VSTM4: variants seen among roughly 807,000 people sequenced by gnomAD.
VSTM4 encodes the protein V-set and transmembrane domain containing 4.
A neutral mutation model predicts 36.4 loss-of-function variants in VSTM4; 20 were observed. The observed-to-expected ratio is 0.55, with a 90% CI of 0.39 to 0.80. VSTM4 has a LOEUF of 0.80. Ranked by LOEUF, VSTM4 falls within the 30% of genes least tolerant of loss-of-function variation. The pLI is 0.00. For missense variants in VSTM4, 392 were observed against 404.5 expected, an observed-to-expected ratio of 0.97 and a Z score of 0.26; for synonymous variants, 182 against 173.9, an observed-to-expected ratio of 1.05 and a Z score of -0.37.
chr10:49,083,320 T>C (rs1249489348), intron 3 of VSTM4, among the ~76,000 whole-genome samples: 1 of 152,194 alleles, frequency 6.6e-6, no homozygotes, highest in Non-Finnish European at 1.5e-5. Context: ...ATGCCTCTTT[T>C]GTGCAGTGGG....
At chr10:49,048,619 C>A in intron 5 of VSTM4, 35 bp from the exon 6 acceptor site, 1 of 1,533,434 alleles carries the variant, frequency 6.5e-7, no homozygotes, top group African/African-American at 1.4e-5. Context: ...AAACCAAAGG[C>A]AGATTTGTTG....
chr10:49,104,463 C>G (rs1481400414), intron 2 of VSTM4, among the ~76,000 whole-genome samples: 1 of 152,066 alleles, frequency 6.6e-6, no homozygotes, highest in Non-Finnish European at 1.5e-5. Context: ...AGGCTCTGCA[C>G]AGCCCCAGCC....
chr10:49,056,594 G>A (rs150198458), intron 5 of VSTM4, among the ~76,000 whole-genome samples: 7 of 152,324 alleles, frequency 4.6e-5, no homozygotes, highest in Non-Finnish European at 7.4e-5. Flanking sequence ...CCCTGCCCAG[G>A]GGAGCCTGCC....
intron 7 of VSTM4, among the ~76,000 whole-genome samples, chr10:49,029,825 C>G (rs577424921): frequency 6.6e-6 from 1 of 152,308 alleles, no homozygotes; most frequent in East Asian, 1.9e-4. Context: ...AGGCAGGAGC[C>G]CTGGCTTGGT....
At chr10:49,036,266 C>T (rs1843429801) in intron 7 of VSTM4, among the ~76,000 whole-genome samples, 1 of 152,166 alleles carries the variant, frequency 6.6e-6, no homozygotes, top group Non-Finnish European at 1.5e-5. Context: ...CTCCCCGCAA[C>T]AATAATGGGC....
intron 7 of VSTM4, among the ~76,000 whole-genome samples, chr10:49,038,786 T>A (rs1269598928): frequency 6.6e-6 from 1 of 152,014 alleles, no homozygotes. Context: ...GTTCTGAAAT[T>A]GGCTTGAGGA....
chr10:49,094,271 T>G (rs933339041), intron 2 of VSTM4, among the ~76,000 whole-genome samples: 3 of 152,214 alleles, frequency 2.0e-5, no homozygotes, highest in African/African-American at 7.2e-5. Context: ...AATTCTGGCC[T>G]TGGAGTTGCA....
chr10:49,031,211 A>T (rs1254138699), intron 7 of VSTM4, among the ~76,000 whole-genome samples: 1 of 152,232 alleles, frequency 6.6e-6, no homozygotes, highest in Non-Finnish European at 1.5e-5. Flanking sequence ...TAATTGTGCA[A>T]GGGCCTACTT....
At position 49,015,911 on chromosome 10, in the gene VSTM4, C is replaced by A. The variant is rs1308201894; in HGVS notation, c.*3739G>T. ...AGTCCTCCTCTGGTCCTGTTGGTGT[C>A]CCTCTCCAAATCTGAGGCCTCCCTT... is the stretch of plus-strand genomic sequence containing the variant. On this transcript the variant is annotated 3_prime_UTR_variant, in exon 8 of 8. Coordinates refer to ENST00000332853, the MANE Select transcript of VSTM4 (RefSeq NM_001031746.5). The A allele has an allele frequency of 6.6e-6, 1 of 152,300 alleles. No individual in the cohort carries two copies. Among genetic ancestry groups the A allele is most frequent in the Non-Finnish European group, 1.5e-5 (1 of 68,132 alleles). The allele number at this position is 152,300 out of a possible 1,614,324, so 9.4% of individuals were successfully genotyped here. A position where few individuals can be genotyped will look rare whatever the true frequency, so the allele number is the denominator to read the frequency against.
At chr10:49,066,613 A>C (rs1843978572) in intron 4 of VSTM4, among the ~76,000 whole-genome samples, 1 of 152,204 alleles carries the variant, frequency 6.6e-6, no homozygotes, top group African/African-American at 2.4e-5. Flanking sequence ...TCCCTAAAAA[A>C]TTCATACCAG....
At chr10:49,038,504 T>C (rs1363586890) in intron 7 of VSTM4, among the ~76,000 whole-genome samples, 1 of 152,086 alleles carries the variant, frequency 6.6e-6, no homozygotes, top group Non-Finnish European at 1.5e-5. Context: ...TTTTGCAAGA[T>C]GAAAAGAGCA....
chr10:49,070,049 G>A (rs55792044), intron 4 of VSTM4, among the ~76,000 whole-genome samples: 8,918 of 67,222 alleles, frequency 0.13, 2,166 homozygotes, highest in African/African-American at 0.19. Context: ...TCAGGAGATC[G>A]AGACCATCCC....
At chr10:49,103,763 G>A (rs774297370) in intron 2 of VSTM4, 3 of 1,613,950 alleles carry the variant, frequency 1.9e-6, no homozygotes, top group Non-Finnish European at 2.5e-6. Context: ...GCAGGAAGGA[G>A]GCCATGGTTA....
chr10:49,048,572 A>G lies in VSTM4; in HGVS notation c.681T>C (p.Thr227=). ...VKCPQNSSGE[T]VTSVTSLAPL... ...GGGCCAAGCTGGTCACGCTAGTGAC[A>G]GTCTCCCCTGAGCTGTAGAAGAAAA... is the stretch of plus-strand genomic sequence containing the variant. Residue 227 remains threonine, a synonymous_variant, in exon 6 of 8, where the codon ACT becomes ACC. Transcript: ENST00000332853. 3 of 1,590,090 alleles carry G rather than the reference A, an allele frequency of 1.9e-6. No individual in the cohort carries two copies. Among genetic ancestry groups the G allele is most frequent in the Non-Finnish European group, 2.6e-6 (3 of 1,172,156 alleles).
chr10:49,042,810 G>A (rs1366230271), intron 7 of VSTM4, among the ~76,000 whole-genome samples: 2 of 152,210 alleles, frequency 1.3e-5, no homozygotes, highest in Non-Finnish European at 2.9e-5. Context: ...TGGTAGAAGA[G>A]ATGGATGATT....
chr10:49,077,676 C>T (rs1844204479), intron 3 of VSTM4, among the ~76,000 whole-genome samples: 1 of 152,094 alleles, frequency 6.6e-6, no homozygotes, highest in Admixed American at 6.6e-5. Context: ...AAATGAACCA[C>T]AAACCTAAAT....
At chr10:49,038,158 C>T (rs1208599341) in intron 7 of VSTM4, among the ~76,000 whole-genome samples, 1 of 152,178 alleles carries the variant, frequency 6.6e-6, no homozygotes, top group African/African-American at 2.4e-5. Context: ...TATTTGTACA[C>T]CATGGTCACG....
At chr10:49,033,080 A>G (rs1178424358) in intron 7 of VSTM4, among the ~76,000 whole-genome samples, 1 of 152,192 alleles carries the variant, frequency 6.6e-6, no homozygotes, top group Non-Finnish European at 1.5e-5. Flanking sequence ...AAATACTCAC[A>G]TAAAGTTATA....
At chr10:49,055,483 C>T (rs142121029) in intron 5 of VSTM4, among the ~76,000 whole-genome samples, 33 of 152,342 alleles carry the variant, frequency 2.2e-4, no homozygotes, top group Admixed American at 1.6e-3. Context: ...GTCTCCACAA[C>T]TATGGTGGCA....
Sources: allele counts gnomAD v4.1 joint callset (sites outside exome capture counted in the v4.1 genomes callset), GRCh38; gene constraint gnomAD v4.1.1; transcripts MANE v1.5; gene names NCBI Gene and HGNC (gene_info 2026-07-23, HGNC 2026-07-21).